Variants in GATA4 observed in about 807,000 individuals in gnomAD.
The protein encoded by GATA4 is transcription factor GATA-4.
GATA4 carries 7 observed loss-of-function variants against 37.9 expected under a neutral mutation model. The ratio of observed to expected loss-of-function variants is 0.18; its 90% confidence interval spans 0.11 to 0.35. The LOEUF (loss-of-function observed/expected upper bound fraction) is 0.35, where lower values mean the gene tolerates loss of function less well. Ranked by LOEUF, GATA4 falls within the 10% of genes least tolerant of loss-of-function variation. The pLI, the probability that GATA4 is intolerant of heterozygous loss-of-function variation, is 1.00. For missense variants in GATA4, 647 were observed against 653.0 expected, an observed-to-expected ratio of 0.99 and a Z score of 0.10; for synonymous variants, 372 against 292.6, an observed-to-expected ratio of 1.27 and a Z score of -2.77.
chr8:11,687,838 G>T (rs187754185), upstream of GATA4, among the ~76,000 whole-genome samples: 1 of 152,098 alleles, frequency 6.6e-6, no homozygotes, highest in South Asian at 2.1e-4. Context: ...CAGCTACAAG[G>T]CTCCTAGAAC....
At position 11,757,015 on chromosome 8, in the gene GATA4, G is replaced by A. The variant is rs141808522; in HGVS notation, c.1081G>A (p.Glu361Lys). The change falls in exon 6 of 7, where the codon GAG becomes AAG. Residue 361 changes from glutamate (E) to lysine (K), a missense_variant. Transcript: ENST00000532059. ...CAACGCCACCACCAGCAGCAGCGAG[G>A]AGATGCGTCCCATCAAGACGGAGCC... ...SSNATTSSSEEMRPIKTEPGL... is the reference protein window; with the variant it reads ...SSNATTSSSEKMRPIKTEPGL... 9.3e-6 allele frequency: 15 copies of A among 1,614,138 alleles called. No individual in the cohort carries two copies. The highest frequency in any genetic ancestry group is 1.2e-5 in the Non-Finnish European group (14 of 1,180,066).
upstream of GATA4, among the ~76,000 whole-genome samples, chr8:11,703,000 C>G (rs533263851): frequency 1.3e-5 from 2 of 152,304 alleles, no homozygotes; most frequent in East Asian, 3.9e-4. This position sits in a 1 kb window ranked among gnomAD's most constrained non-coding sequence, Gnocchi z 4.4. Flanking sequence ...TCCTTAACCC[C>G]CGGGTTGCCT....
At chr8:11,731,038 C>G (rs914088057) in intron 2 of GATA4, among the ~76,000 whole-genome samples, 7 of 152,208 alleles carry the variant, frequency 4.6e-5, no homozygotes, top group Admixed American at 6.5e-5. Flanking sequence ...GCAGGATTCT[C>G]CTTTGGTCCT....
At chr8:11,725,898 T>C (rs1800899419) in intron 2 of GATA4, among the ~76,000 whole-genome samples, 1 of 152,164 alleles carries the variant, frequency 6.6e-6, no homozygotes, top group Admixed American at 6.5e-5. Flanking sequence ...CATCTCTGTG[T>C]GGCTTGTCTC....
intron 2 of GATA4, among the ~76,000 whole-genome samples, chr8:11,742,479 TC>T (rs1801795918): frequency 6.6e-6 from 1 of 151,864 alleles, no homozygotes; most frequent in South Asian, 2.1e-4. Context: ...TCACATTCTG[TC>T]ACTCCAGCCA....
upstream of GATA4, among the ~76,000 whole-genome samples, chr8:11,689,537 A>G (rs1450186743): frequency 1.3e-5 from 2 of 152,240 alleles, no homozygotes; most frequent in African/African-American, 4.8e-5. Context: ...GGCTGAGTCC[A>G]CAAGACCATT....
At chr8:11,704,783 C>T (rs1251685752) in intron 1 of GATA4, among the ~76,000 whole-genome samples, 2 of 152,226 alleles carry the variant, frequency 1.3e-5, no homozygotes, top group African/African-American at 4.8e-5. Flanking sequence ...TCCGCTGGGC[C>T]TCAGGGGCCC....
chr8:11,755,005 C>T, intron 4 of GATA4, 41 bp from the exon 5 acceptor site: 1 of 1,497,838 alleles, frequency 6.7e-7, no homozygotes, highest in Non-Finnish European at 9.3e-7. Context: ...GCAGACTACG[C>T]AGAAATGGAA....
At chr8:11,758,169 T>C in intron 6 of GATA4, 124 bp from the exon 7 acceptor site, 1 of 896,394 alleles carries the variant, frequency 1.1e-6, no homozygotes, top group Admixed American at 1.8e-5. Flanking sequence ...TGCTCCTTGG[T>C]CCCTTCCTGA....
chr8:11,685,390 C>T (rs970660342), intron 1 of GATA4, among the ~76,000 whole-genome samples: 2 of 152,210 alleles, frequency 1.3e-5, no homozygotes, highest in Non-Finnish European at 2.9e-5. Context: ...ATGACAAACT[C>T]GTGTTTATTT....
At chr8:11,746,662 T>C (rs1229289228) in intron 2 of GATA4, among the ~76,000 whole-genome samples, 2 of 152,238 alleles carry the variant, frequency 1.3e-5, no homozygotes, top group Non-Finnish European at 2.9e-5. Context: ...GAAGCGGGGC[T>C]GACAGCCCAT....
At chr8:11,717,150 A>G (rs1217334231) in intron 2 of GATA4, among the ~76,000 whole-genome samples, 1 of 152,248 alleles carries the variant, frequency 6.6e-6, no homozygotes, top group Non-Finnish European at 1.5e-5. Flanking sequence ...GGTTACTAAG[A>G]GTAATTTAAT....
At chr8:11,711,300 G>A (rs1800172274) in intron 2 of GATA4, among the ~76,000 whole-genome samples, 1 of 152,188 alleles carries the variant, frequency 6.6e-6, no homozygotes, top group Non-Finnish European at 1.5e-5. Flanking sequence ...TTCCCGGATA[G>A]CTTATGAAGT....
intron 2 of GATA4, among the ~76,000 whole-genome samples, chr8:11,732,759 G>A (rs1017756197): frequency 2.0e-5 from 3 of 152,080 alleles, no homozygotes; most frequent in Non-Finnish European, 2.9e-5. Flanking sequence ...TTTCCTCCCC[G>A]AAGACCAGCA....
In GATA4 at chr8:11,707,317, G is replaced by GT. The variant is rs34913959; in HGVS notation, c.-457-525dup. ...TATAAACATTTGGACTCTACTTCTG[G>GT]TTTTTTTTTTTTTTAATTACAAACA... On this transcript the variant is annotated intron_variant, in intron 1 of 6. Transcript: ENST00000532059. This position sits in a 1 kb window ranked among gnomAD's most constrained non-coding sequence, Gnocchi z 4.7. 0.024 allele frequency among the ~76,000 whole-genome samples: 3,503 copies of GT among 143,536 alleles called. 58 individuals are homozygous for GT. The highest frequency in any genetic ancestry group is 0.034 in the Admixed American group (493 of 14,384). 94.2% of individuals were successfully genotyped at this position (143,536 alleles called of 152,430 possible).
intron 2 of GATA4, among the ~76,000 whole-genome samples, chr8:11,729,310 CTGT>C: frequency 6.6e-6 from 1 of 152,264 alleles, no homozygotes; most frequent in East Asian, 1.9e-4. Context: ...TGGCTCATGC[CTGT>C]AATCCCAGCA....
At chr8:11,694,030 G>T (rs1799429417) in intron 1 of GATA4, among the ~76,000 whole-genome samples, 1 of 152,136 alleles carries the variant, frequency 6.6e-6, no homozygotes. Flanking sequence ...AATTCATTTA[G>T]GTCGTCTCCC....
intron 1 of GATA4, chr8:11,680,711 C>A: frequency 1.0e-6 from 1 of 985,314 alleles, no homozygotes; most frequent in Non-Finnish European, 1.2e-6. Flanking sequence ...ATCCTCCAGC[C>A]GCTGCGCACG....
upstream of GATA4, among the ~76,000 whole-genome samples, chr8:11,690,601 C>A (rs780095821): frequency 3.3e-5 from 5 of 152,136 alleles, no homozygotes; most frequent in Admixed American, 1.3e-4. Flanking sequence ...TGGCTCAGGG[C>A]TGTAATCCCA....
Sources: gnomAD v4.1 joint callset for allele counts (sites outside exome capture counted in the v4.1 genomes callset) on GRCh38, gnomAD v4.1.1 for gene constraint, Gnocchi (gnomAD v3.1) non-coding constraint, MANE v1.5 for transcripts, NCBI Gene and HGNC (gene_info 2026-07-23, HGNC 2026-07-21) for gene names.